BCL9: variants seen among roughly 807,000 people sequenced by gnomAD.
The protein encoded by BCL9 is BCL9 transcription coactivator, also known as B-cell CLL/lymphoma 9 protein.
Under a neutral mutation model 88.5 loss-of-function variants are expected in BCL9, and 25 were observed. The ratio of observed to expected loss-of-function variants is 0.28; its 90% confidence interval spans 0.21 to 0.39. The LOEUF is 0.39. Ranked by LOEUF, BCL9 falls within the 10% of genes least tolerant of loss-of-function variation. The pLI is 1.00. For missense variants in BCL9, 1,817 were observed against 1,877.8 expected (o/e 0.97, Z 0.60); for synonymous variants, 711 against 673.3 (o/e 1.06, Z -0.87).
Position 147,612,869 on chromosome 1 carries a change from T to C in BCL9, c.54-14T>C, listed in dbSNP as rs1355907832. 3 of 1,612,392 alleles carry C rather than the reference T, an allele frequency of 1.9e-6. No individual in the cohort carries two copies. Among genetic ancestry groups the C allele is most frequent in the Middle Eastern group, 1.6e-4 (1 of 6,076 alleles). ...TCTGGTGTCTGATCTTCCTTTGTTA[T>C]TTGTTTCTTTTAGTAGCCCTAAGTC... On this transcript the variant is annotated splice_polypyrimidine_tract_variant and intron_variant, in intron 4 of 9. Transcript: ENST00000234739.
rs1172214709 is a variant in BCL9, at chr1:147,623,977, C to A, written c.3299C>A (p.Pro1100His). ...NQMPSPNAVG[P>H]NIPPHGVPMG... ...ATGCCCTCTCCAAATGCCGTGGGAC[C>A]CAACATACCTCCTCATGGGGTCCCA... The change falls in exon 10 of 10, where the codon CCC becomes CAC. Residue 1100 changes from proline (P) to histidine (H), a missense_variant. By Grantham distance (77) the Pro-to-His change is moderately conservative. Coordinates refer to ENST00000234739, the MANE Select transcript of BCL9 (RefSeq NM_004326.4). 1 of 1,614,204 alleles carries A rather than the reference C, an allele frequency of 6.2e-7. No individual in the cohort carries two copies. Among genetic ancestry groups the A allele is most frequent in the East Asian group, 2.2e-5 (1 of 44,878 alleles).
chr1:147,623,912 C>G lies in BCL9; in HGVS notation c.3234C>G (p.Ser1078Arg), dbSNP rs1658788827. Residue 1078 changes from serine (S) to arginine (R), a missense_variant, in exon 10 of 10, where the codon AGC becomes AGG. This residue lies in a region of BCL9 where 589 missense variants were observed against 686.2 expected (regional missense o/e 0.86). Transcript: ENST00000234739. Reference sequence around the variant, plus strand: ...CCGTGGTTCCGATGCCAACCCTCAGCCCAATGGGAATGACCCAGCCACTTT... The same window carrying G: ...CCGTGGTTCCGATGCCAACCCTCAGGCCAATGGGAATGACCCAGCCACTTT... Reference protein sequence around the residue: ...PNPVVPMPTLSPMGMTQPLSH... With the variant: ...PNPVVPMPTLRPMGMTQPLSH... 1 of 1,614,182 alleles carries G rather than the reference C, an allele frequency of 6.2e-7. No individual in the cohort carries two copies. Among genetic ancestry groups the G allele is most frequent in the East Asian group, 2.2e-5 (1 of 44,878 alleles).
intron 1 of BCL9, among the ~76,000 whole-genome samples, chr1:147,542,948 AT>A (rs2101448077): frequency 6.6e-6 from 1 of 152,268 alleles, no homozygotes; most frequent in South Asian, 2.1e-4. Context: ...AATGAGATTT[AT>A]TTACAATTGC....
chr1:147,586,103 T>G (rs1553199196), intron 1 of BCL9, among the ~76,000 whole-genome samples: 1 of 152,120 alleles, frequency 6.6e-6, no homozygotes, highest in Non-Finnish European at 1.5e-5. Context: ...CTGATCACCT[T>G]CCTAAACTCA....
chr1:147,565,857 G>C (rs1260758013), intron 1 of BCL9, among the ~76,000 whole-genome samples: 6 of 152,092 alleles, frequency 3.9e-5, no homozygotes, highest in African/African-American at 1.2e-4. Context: ...GTAGGTGCTT[G>C]GTAGGTGATT....
At position 147,626,182 on chromosome 1, in the gene BCL9, T is replaced by A; in HGVS notation, c.*1223T>A. 5.1e-6 allele frequency: 1 copy of A among 195,834 alleles called. No individual in the cohort carries two copies. Among genetic ancestry groups the A allele is most frequent in the Non-Finnish European group, 1.1e-5 (1 of 93,970 alleles). 12.1% of individuals were successfully genotyped at this position (195,834 alleles called of 1,614,324 possible). A position where few individuals can be genotyped will look rare whatever the true frequency, so the allele number is the denominator to read the frequency against. On this transcript the variant is annotated 3_prime_UTR_variant, in exon 10 of 10. Coordinates refer to ENST00000234739, the MANE Select transcript of BCL9 (RefSeq NM_004326.4). ...ACAAAACCACTCGCCAGAGCTGTGGTGTCAGAAAAATAAAATATATTGTTT... is the reference window on the plus strand; with the variant it reads ...ACAAAACCACTCGCCAGAGCTGTGGAGTCAGAAAAATAAAATATATTGTTT...
At chr1:147,612,750 C>G in intron 4 of BCL9, 133 bp from the exon 5 acceptor site, 1 of 838,876 alleles carries the variant, frequency 1.2e-6, no homozygotes, top group Non-Finnish European at 1.8e-6. Context: ...AAGCAAATGG[C>G]TGAGGTGAAT....
Position 147,620,383 on chromosome 1 carries a change from G to T in BCL9, c.2228G>T (p.Gly743Val), listed in dbSNP as rs782517315. 1 of 1,613,882 alleles carries T rather than the reference G, an allele frequency of 6.2e-7. No individual in the cohort carries two copies. The change falls in exon 8 of 10, where the codon GGC (glycine) becomes GTC (valine). Residue 743 changes from glycine (G) to valine (V), a missense_variant. Gly to Val is a moderately radical substitution (Grantham distance 109). Transcript: ENST00000234739. The part of the protein sequence containing the change: ...IPQKMREAGA[G>V]PEEMLKLRPG... ...CAGAAGATGAGAGAGGCTGGGGCGG[G>T]CCCTGAGGAGATGCTGAAATTACGC...
At chr1:147,596,850 G>T (rs1182867884) in intron 1 of BCL9, among the ~76,000 whole-genome samples, 1 of 152,056 alleles carries the variant, frequency 6.6e-6, no homozygotes, top group Non-Finnish European at 1.5e-5. Flanking sequence ...AGATGAATCG[G>T]TAATAAATAT....
intron 1 of BCL9, chr1:147,600,350 T>G (rs1279728147): frequency 6.8e-6 from 1 of 147,120 alleles, no homozygotes; most frequent in Non-Finnish European, 1.5e-5. Context: ...AAGTGGCACC[T>G]GGGGGAGGGG....
intron 1 of BCL9, among the ~76,000 whole-genome samples, chr1:147,592,796 A>G (rs1656901174): frequency 6.6e-6 from 1 of 152,180 alleles, no homozygotes; most frequent in Admixed American, 6.5e-5. Context: ...TGTGCTAGGC[A>G]CTATTCCTAC....
At chr1:147,547,945 A>T (rs1183126406) in intron 1 of BCL9, among the ~76,000 whole-genome samples, 2 of 152,238 alleles carry the variant, frequency 1.3e-5, no homozygotes, top group African/African-American at 4.8e-5. Context: ...AAGTATTCTT[A>T]AAGATTCAAA....
chr1:147,546,247 A>G (rs1654584488), intron 1 of BCL9, among the ~76,000 whole-genome samples: 1 of 151,946 alleles, frequency 6.6e-6, no homozygotes, highest in African/African-American at 2.4e-5. Flanking sequence ...CTGAGGCAGG[A>G]GAATGGTGTG....
Position 147,613,141 on chromosome 1 carries a change from C to T in BCL9, c.312C>T (p.Ser104=), listed in dbSNP as rs782011412. 2.0e-5 allele frequency: 33 copies of T among 1,614,044 alleles called. No individual in the cohort carries two copies. The highest frequency in any genetic ancestry group is 4.4e-5 in the South Asian group (4 of 91,092). The change falls in exon 5 of 10, where the codon TCC becomes TCT. Residue 104 remains serine, a synonymous_variant. Transcript: ENST00000234739. ...AGGGGAAAAGGGAGCGAAGTATTTC[C>T]GCCGACTCCTTTGATCAGAGAGATC... is the stretch of plus-strand genomic sequence containing the variant. The part of the protein sequence containing the change: ...KGKGKRERSI[S]ADSFDQRDPG...
chr1:147,602,682 G>A lies in BCL9; in HGVS notation c.-477-2095G>A, dbSNP rs183301089. ...TCAAAAGAGATGGTAGATAGACAGG[G>A]AGGTCATTGGCTAAAAGATAAAAGA... On this transcript the variant is annotated intron_variant, in intron 1 of 9. Coordinates refer to ENST00000234739, the MANE Select transcript of BCL9 (RefSeq NM_004326.4). 4.6e-4 allele frequency among the ~76,000 whole-genome samples: 70 copies of A among 152,194 alleles called. 1 individual carries two copies. The highest frequency in any genetic ancestry group is 8.7e-4 in the Non-Finnish European group (59 of 68,016).
intron 7 of BCL9, among the ~76,000 whole-genome samples, chr1:147,616,313 TATC>T (rs1342105295): frequency 1.3e-5 from 2 of 152,214 alleles, no homozygotes; most frequent in Non-Finnish European, 2.9e-5. Context: ...ATGATGACAG[TATC>T]ATAATCAGAG....
intron 2 of BCL9, among the ~76,000 whole-genome samples, chr1:147,605,948 G>A (rs185929332): frequency 1.3e-5 from 2 of 152,326 alleles, no homozygotes; most frequent in Non-Finnish European, 1.5e-5. Context: ...GAATCATAGA[G>A]GTGATTCTGA....
chr1:147,582,581 A>G (rs587728791), intron 1 of BCL9, among the ~76,000 whole-genome samples: 1 of 152,312 alleles, frequency 6.6e-6, no homozygotes, highest in South Asian at 2.1e-4. Flanking sequence ...TTGTTTTTGT[A>G]CAGCCTATGA....
chr1:147,573,044 A>G (rs992426433), intron 1 of BCL9, among the ~76,000 whole-genome samples: 1 of 152,262 alleles, frequency 6.6e-6, no homozygotes, highest in East Asian at 1.9e-4. Context: ...TTTGTGGAAC[A>G]TCTTATTAGC....
Sources: gnomAD v4.1 joint callset for allele counts (sites outside exome capture counted in the v4.1 genomes callset) on GRCh38, gnomAD v4.1.1 for gene constraint, gnomAD v4.1.1 regional missense constraint, MANE v1.5 for transcripts, NCBI Gene and HGNC (gene_info 2026-07-23, HGNC 2026-07-21) for gene names.